Variants in PCLO observed in about 807,000 individuals in gnomAD.
PCLO encodes protein piccolo.
A neutral mutation model predicts 427.5 loss-of-function variants in PCLO; 82 were observed. That is an observed-to-expected ratio of 0.19 (90% CI 0.16 to 0.23). PCLO has a LOEUF of 0.23. Ranked by LOEUF, PCLO falls within the 10% of genes least tolerant of loss-of-function variation. PCLO has a pLI of 1.00. For synonymous variants in PCLO, 2,357 were observed against 2,155.4 expected (o/e 1.09, Z -2.59); for missense variants, 6,239 against 6,115.9 (o/e 1.02, Z -0.67).
In PCLO at chr7:83,134,242, T is replaced by TATATATATATAGATATATATAA; in HGVS notation, c.3300+7_3300+8insTTATATATATCTATATATATAT. 9.4e-7 allele frequency: 1 copy of TATATATATATAGATATATATAA among 1,065,442 alleles called. No homozygotes were observed. Among genetic ancestry groups the TATATATATATAGATATATATAA allele is most frequent in the East Asian group, 3.2e-5 (1 of 31,484 alleles). The allele number at this position is 1,065,442 out of a possible 1,614,324, so 66.0% of individuals were successfully genotyped here. A position where few individuals can be genotyped will look rare whatever the true frequency, so the allele number is the denominator to read the frequency against. Reference sequence around the variant, plus strand: ...TAATATATATATATATATATATATATAACTTACCTCAGTCAAATGTGGTGT... The same window carrying TATATATATATAGATATATATAA: ...TAATATATATATATATATATATATATATATATATATAGATATATATAAAACTTACCTCAGTCAAATGTGGTGT... On this transcript the variant is annotated splice_region_variant and intron_variant, in intron 3 of 24. Coordinates refer to ENST00000333891, the MANE Select transcript of PCLO (RefSeq NM_033026.6).
At chr7:82,828,542 C>T (rs2715153) in intron 16 of PCLO, among the ~76,000 whole-genome samples, 86,562 of 151,922 alleles carry the variant, frequency 0.57, 25,698 homozygotes, top group East Asian at 0.85. Context: ...TGTCAATATG[C>T]TATTTTACAA....
chr7:82,862,317 G>A (rs993976519), intron 10 of PCLO, among the ~76,000 whole-genome samples: 4 of 151,958 alleles, frequency 2.6e-5, no homozygotes, highest in Non-Finnish European at 4.4e-5. Flanking sequence ...TGATGAGGAT[G>A]TGGAGAAAAG....
Position 82,965,831 on chromosome 7 carries a change from T to C in PCLO, c.3957A>G (p.Glu1319=). Residue 1319 remains glutamate (E), a synonymous_variant, in exon 4 of 25, where the codon GAA becomes GAG. Transcript: ENST00000333891. ...TTGCTGTGCATGGTGGCTGTGGCTGTTCTTTTATTGTTTTGGTTGTCTTAT... is the reference window on the plus strand; with the variant it reads ...TTGCTGTGCATGGTGGCTGTGGCTGCTCTTTTATTGTTTTGGTTGTCTTAT... ...EDDKTTKTIK[E]QPQPPCTAKP... The C allele has an allele frequency of 6.2e-7, 1 of 1,612,500 alleles. No homozygotes were observed. Among genetic ancestry groups the C allele is most frequent in the Non-Finnish European group, 8.5e-7 (1 of 1,179,738 alleles).
Position 82,825,613 on chromosome 7 carries a change from T to C in PCLO, c.14415+976A>G, listed in dbSNP as rs116646528. ...AGCAGAACACTAAACAATGTGTATG[T>C]GTGTATATATATTATATATATTATA... On this transcript the variant is annotated intron_variant, in intron 18 of 24. Coordinates refer to ENST00000333891, the MANE Select transcript of PCLO (RefSeq NM_033026.6). Among the ~76,000 whole-genome samples, 1,028 of 148,536 alleles carry C rather than the reference T, an allele frequency of 6.9e-3. 7 individuals carry two copies. Among genetic ancestry groups the C allele is most frequent in the African/African-American group, 0.023 (936 of 40,898 alleles).
At chr7:82,784,763 C>T (rs1442484363) in intron 22 of PCLO, among the ~76,000 whole-genome samples, 1 of 152,138 alleles carries the variant, frequency 6.6e-6, no homozygotes, top group Non-Finnish European at 1.5e-5. Context: ...TTATTCTGAA[C>T]TAAAATAATA....
intron 2 of PCLO, among the ~76,000 whole-genome samples, chr7:83,145,352 G>GA (rs1791967457): frequency 1.3e-5 from 2 of 152,182 alleles, no homozygotes; most frequent in Admixed American, 1.3e-4. Context: ...TAAGTATTCT[G>GA]AAAATATCCC....
At chr7:82,989,222 T>C (rs1796322321) in intron 3 of PCLO, among the ~76,000 whole-genome samples, 1 of 152,058 alleles carries the variant, frequency 6.6e-6, no homozygotes, top group Non-Finnish European at 1.5e-5. Context: ...AGGCAATAGT[T>C]GTTTTTTCTG....
chr7:83,051,675 AG>A (rs1381656402), intron 3 of PCLO, among the ~76,000 whole-genome samples: 1 of 152,172 alleles, frequency 6.6e-6, no homozygotes, highest in African/African-American at 2.4e-5. Flanking sequence ...AATCCCAGAA[AG>A]TTATTTTGTG....
chr7:82,828,299 G>T (rs139476864), intron 16 of PCLO, among the ~76,000 whole-genome samples: 255 of 152,064 alleles, frequency 1.7e-3, no homozygotes, highest in African/African-American at 5.7e-3. Context: ...CAATGTTACT[G>T]CCCCATAAAC....
Position 83,135,305 on chromosome 7 carries a change from C to G in PCLO, c.2245G>C (p.Val749Leu). The G allele has an allele frequency of 6.2e-7, 1 of 1,613,884 alleles. No individual in the cohort carries two copies. The highest frequency in any genetic ancestry group is 8.5e-7 in the Non-Finnish European group (1 of 1,179,876). Reference protein sequence around the residue: ...SVPSEQDKAPVADDKPKQPKM... With the variant: ...SVPSEQDKAPLADDKPKQPKM... The stretch of plus-strand genomic sequence containing the variant: ...GGCTGCTTTGGTTTATCATCAGCAA[C>G]AGGGGCCTTGTCCTGCTCAGATGGG... The change falls in exon 3 of 25, where the codon GTT (valine) becomes CTT (leucine). Residue 749 changes from valine to leucine, a missense_variant. By Grantham distance (32) the Val-to-Leu change is conservative. Transcript: ENST00000333891.
intron 3 of PCLO, among the ~76,000 whole-genome samples, chr7:83,006,756 A>G (rs1583899564): frequency 6.6e-6 from 1 of 151,430 alleles, no homozygotes; most frequent in East Asian, 1.9e-4. Flanking sequence ...AGTCTCTATA[A>G]TATTTATTAA....
intron 22 of PCLO, among the ~76,000 whole-genome samples, chr7:82,767,622 G>C (rs1215929894): frequency 2.0e-5 from 3 of 152,066 alleles, no homozygotes; most frequent in Non-Finnish European, 4.4e-5. Context: ...TTGAGGTATA[G>C]AGAAGAAAAC....
chr7:83,080,526 G>A (rs73163038), intron 3 of PCLO, among the ~76,000 whole-genome samples: 3,407 of 152,090 alleles, frequency 0.022, 82 homozygotes, highest in South Asian at 0.083. Flanking sequence ...TAATATTCAG[G>A]TGAACTCAAA....
In PCLO at chr7:83,109,399, T is replaced by C. The variant is rs776069762; in HGVS notation, c.3300+24851A>G. Among the ~76,000 whole-genome samples the C allele has an allele frequency of 3.3e-5, 5 of 152,198 alleles. No individual in the cohort carries two copies. The East Asian group carries it at 5.8e-4, about 18-fold the overall frequency. Reference sequence around the variant, plus strand: ...GTTCCCCACTCTTCATTGCCACTTTTCAACCACTGTTCATCCCTGACAAAC... The same window carrying C: ...GTTCCCCACTCTTCATTGCCACTTTCCAACCACTGTTCATCCCTGACAAAC... On this transcript the variant is annotated intron_variant, in intron 3 of 24. Transcript: ENST00000333891.
chr7:82,822,390 C>A, intron 20 of PCLO, 105 bp downstream of exon 20: 1 of 1,599,150 alleles, frequency 6.3e-7, no homozygotes, highest in Non-Finnish European at 8.5e-7. Flanking sequence ...ACAGGGTGAG[C>A]AGAGGATGTT....
At chr7:83,151,380 AT>A (rs1454329596) in intron 2 of PCLO, among the ~76,000 whole-genome samples, 3 of 152,076 alleles carry the variant, frequency 2.0e-5, no homozygotes, top group African/African-American at 7.3e-5. Flanking sequence ...GTTGCCATAT[AT>A]TGCAACTTTA....
chr7:83,029,439 A>G (rs1423330561), intron 3 of PCLO, among the ~76,000 whole-genome samples: 30 of 139,388 alleles, frequency 2.2e-4, no homozygotes, highest in Non-Finnish European at 3.7e-4. Context: ...TAGAATGGCA[A>G]TCATTAAAAA....
rs1790378652 is a variant in PCLO, at chr7:83,091,566, A to G, written c.3300+42684T>C. 1.3e-5 allele frequency among the ~76,000 whole-genome samples: 2 copies of G among 152,196 alleles called. 1 individual carries two copies. Among genetic ancestry groups the G allele is most frequent in the South Asian group, 4.1e-4 (2 of 4,830 alleles). On this transcript the variant is annotated intron_variant, in intron 3 of 24. Transcript: ENST00000333891. ...TTGTGAGAACTAAAACTGCTAATCA[A>G]CTGCCAATTTGTATGAGTTTTGCTA... is the stretch of plus-strand genomic sequence containing the variant.
chr7:82,782,945 T>C lies in PCLO; in HGVS notation c.15007+18573A>G, dbSNP rs988221707. ...AAACCACCATACTCAATTTTCTTTG[T>C]CACGATGTTTGTTCCAGGTAAGTGC... On this transcript the variant is annotated intron_variant, in intron 22 of 24. Transcript: ENST00000333891. Among the ~76,000 whole-genome samples the C allele has an allele frequency of 3.3e-5, 5 of 152,214 alleles. No individual in the cohort carries two copies. The East Asian group carries it at 7.7e-4, about 23-fold the overall frequency.
Sources: gnomAD v4.1 joint callset for allele counts (sites outside exome capture counted in the v4.1 genomes callset) on GRCh38, gnomAD v4.1.1 for gene constraint, MANE v1.5 for transcripts, NCBI Gene and HGNC (gene_info 2026-07-23, HGNC 2026-07-21) for gene names.